NBAS: variants seen among roughly 807,000 people sequenced by gnomAD.
The protein encoded by NBAS is NBAS subunit of NRZ tethering complex, also known as NAG/BC035112 fusion.
In NBAS, 219 loss-of-function variants were observed where a neutral mutation model predicts 302.5. The observed-to-expected ratio is 0.72, with a 90% confidence interval of 0.65 to 0.81. The LOEUF (loss-of-function observed/expected upper bound fraction) is 0.81. NBAS is among the 30% of genes least tolerant of loss of function. The pLI is 0.00. For missense variants in NBAS, 2,932 were observed against 2,841.6 expected, an observed-to-expected ratio of 1.03 and a Z score of -0.72; for synonymous variants, 1,118 against 1,021.6, an observed-to-expected ratio of 1.09 and a Z score of -1.80.
chr2:15,312,467 G>A (rs560789547), intron 38 of NBAS, among the ~76,000 whole-genome samples: 1 of 152,138 alleles, frequency 6.6e-6, no homozygotes, highest in South Asian at 2.1e-4. Context: ...TATAGAGACG[G>A]AGTATTTTCA....
intron 13 of NBAS, among the ~76,000 whole-genome samples, chr2:15,476,640 G>A (rs111552345): frequency 0.013 from 1,909 of 152,104 alleles, 35 homozygotes; most frequent in African/African-American, 0.043. Flanking sequence ...ACTTGAACCC[G>A]GGAGATGGAG....
At chr2:15,516,722 CAAAAAAAA>C (rs67488599) in intron 9 of NBAS, among the ~76,000 whole-genome samples, 12 of 136,008 alleles carry the variant, frequency 8.8e-5, no homozygotes, top group African/African-American at 3.3e-4. Flanking sequence ...GACTCCATTT[CAAAAAAAA>C]AAAAAAAAAA....
the NBAS span, among the ~76,000 whole-genome samples, chr2:14,800,289 T>C: frequency 6.6e-6 from 1 of 152,300 alleles, no homozygotes; most frequent in Non-Finnish European, 1.5e-5. Context: ...TTCTGTGCTG[T>C]TCTCGTGATA....
At chr2:15,557,741 AAGTTTTCTTATCTAAAATCATAAAGG>A (rs148946818) in intron 2 of NBAS, among the ~76,000 whole-genome samples, 3,412 of 152,290 alleles carry the variant, frequency 0.022, 62 homozygotes, top group Non-Finnish European at 0.037. Flanking sequence ...GACCTTGAGC[AAGTTTTCTTATCTAAAATCATAAAGG>A]AGTAACGGCA....
chr2:15,006,945 TG>T, the NBAS span, among the ~76,000 whole-genome samples: 1 of 152,216 alleles, frequency 6.6e-6, no homozygotes, highest in African/African-American at 2.4e-5. Context: ...CTCTACTCCT[TG>T]ATGTTGGTCA....
chr2:15,287,697 G>A (rs940252190), intron 41 of NBAS, among the ~76,000 whole-genome samples: 3 of 149,488 alleles, frequency 2.0e-5, no homozygotes, highest in Non-Finnish European at 4.5e-5. Context: ...CCGAACACCC[G>A]CAGACATCCC....
chr2:14,971,661 C>T, the NBAS span, among the ~76,000 whole-genome samples: 67 of 152,172 alleles, frequency 4.4e-4, no homozygotes, highest in Non-Finnish European at 7.5e-4. Context: ...CTCCCCATCA[C>T]CAATTTGACT....
At chr2:14,998,455 G>T in the NBAS span, among the ~76,000 whole-genome samples, 1 of 152,150 alleles carries the variant, frequency 6.6e-6, no homozygotes, top group African/African-American at 2.4e-5. Flanking sequence ...GGAGTCAGCT[G>T]CTTTGTCCTC....
the NBAS span, among the ~76,000 whole-genome samples, chr2:14,964,557 T>A: frequency 1.7e-4 from 26 of 152,190 alleles, 1 homozygote; most frequent in African/African-American, 6.0e-4. Context: ...AATTGATTGA[T>A]AGAACTAAAG....
At chr2:14,960,894 A>G in the NBAS span, among the ~76,000 whole-genome samples, 1 of 152,160 alleles carries the variant, frequency 6.6e-6, no homozygotes, top group African/African-American at 2.4e-5. Context: ...TTCCTGCTGT[A>G]TATTGTTGTG....
At chr2:15,003,179 T>G in the NBAS span, among the ~76,000 whole-genome samples, 3 of 152,330 alleles carry the variant, frequency 2.0e-5, no homozygotes, top group South Asian at 2.1e-4. Flanking sequence ...GGCAGGCTTT[T>G]GGGGATGCAG....
At chr2:14,785,478 T>G in the NBAS span, among the ~76,000 whole-genome samples, 3 of 152,158 alleles carry the variant, frequency 2.0e-5, no homozygotes, top group South Asian at 6.2e-4. Context: ...GCTCTTATTA[T>G]TTTGAGATAT....
the NBAS span, among the ~76,000 whole-genome samples, chr2:14,784,960 G>A: frequency 2.0e-5 from 3 of 152,182 alleles, no homozygotes; most frequent in Admixed American, 1.3e-4. Context: ...AGCATGGAAT[G>A]TTCTTCCATT....
At chr2:15,016,228 A>G in the NBAS span, among the ~76,000 whole-genome samples, 2 of 152,158 alleles carry the variant, frequency 1.3e-5, no homozygotes, top group East Asian at 3.9e-4. Flanking sequence ...ATGACAGCCA[A>G]GCAAAAGGAG....
At chr2:15,414,746 A>C (rs1199348405) in intron 25 of NBAS, among the ~76,000 whole-genome samples, 1 of 152,104 alleles carries the variant, frequency 6.6e-6, no homozygotes, top group Non-Finnish European at 1.5e-5. Context: ...GGAGTTTGAG[A>C]CCAGCCTGGC....
the NBAS span, among the ~76,000 whole-genome samples, chr2:14,987,432 T>C: frequency 6.6e-6 from 1 of 151,830 alleles, no homozygotes; most frequent in Admixed American, 6.6e-5. Flanking sequence ...TTTACCGACA[T>C]AGCCTGGCTT....
rs549212718 is a variant in NBAS at position 15,246,536 on chromosome 2, A to G, written c.5725-7850T>C. Among the ~76,000 whole-genome samples, 14 of 152,348 alleles carry G rather than the reference A, an allele frequency of 9.2e-5. No individual in the cohort carries two copies. In the South Asian group the frequency reaches 2.9e-3, roughly 32 times the overall value. On this transcript the variant is annotated intron_variant, in intron 44 of 51. Coordinates refer to ENST00000281513, the MANE Select transcript of NBAS (RefSeq NM_015909.4). ...TTACATGTTCTCAACATGTCCCTGG[A>G]AAGTTGTGGTTCAGAATGCTCCAAA... is the stretch of plus-strand genomic sequence containing the variant.
intron 13 of NBAS, among the ~76,000 whole-genome samples, chr2:15,477,740 C>A (rs1479195311): frequency 6.6e-6 from 1 of 152,122 alleles, no homozygotes; most frequent in Non-Finnish European, 1.5e-5. Flanking sequence ...CTGTTTCAAT[C>A]TAGCAATCAA....
intron 35 of NBAS, among the ~76,000 whole-genome samples, chr2:15,344,607 G>A (rs914637792): frequency 2.6e-5 from 4 of 152,050 alleles, no homozygotes; most frequent in African/African-American, 7.2e-5. Flanking sequence ...GGACCATTAC[G>A]TCTGAAACTA....
Sources: allele counts gnomAD v4.1 joint callset (sites outside exome capture counted in the v4.1 genomes callset), GRCh38; gene constraint gnomAD v4.1.1; transcripts MANE v1.5; gene names NCBI Gene and HGNC (gene_info 2026-07-23, HGNC 2026-07-21).